The following SH3BP2 variants were observed in gnomAD, a reference collection of about 807,000 sequenced individuals.
SH3BP2 encodes SH3 domain binding protein 2, also known as SH3 domain-binding protein 2.
Under a neutral mutation model 56.2 loss-of-function variants are expected in SH3BP2, and 38 were observed. The ratio of observed to expected loss-of-function variants is 0.68; its 90% CI spans 0.52 to 0.89. The LOEUF (loss-of-function observed/expected upper bound fraction) is 0.89. Ranked by LOEUF, SH3BP2 falls within the 40% of genes least tolerant of loss-of-function variation. The pLI, the probability that SH3BP2 is intolerant of heterozygous loss-of-function variation, is 0.00. For missense variants in SH3BP2, 748 were observed against 762.6 expected (o/e 0.98, Z 0.23); for synonymous variants, 346 against 316.7 (o/e 1.09, Z -0.98).
chr4:2,813,966 A>G (rs1440305462), intron 1 of SH3BP2, among the ~76,000 whole-genome samples: 6 of 152,180 alleles, frequency 3.9e-5, no homozygotes, highest in Non-Finnish European at 7.4e-5. Context: ...CCCAGCCCCA[A>G]CTTGCCCTGT....
In SH3BP2 at chr4:2,834,567, C is replaced by G. The variant is rs1725166339; in HGVS notation, c.*733C>G. ...AGTGCTGCTGCAGAGCTAGAAGGCC[C>G]TGCAGCTACAGCTGCTTCATTCCCT... On this transcript the variant is annotated 3_prime_UTR_variant, in exon 13 of 13. Coordinates refer to ENST00000503393, the MANE Select transcript of SH3BP2 (RefSeq NM_001122681.2). 6.6e-6 allele frequency: 1 copy of G among 152,402 alleles called. No individual in the cohort carries two copies. Among genetic ancestry groups the G allele is most frequent in the African/African-American group, 2.4e-5 (1 of 41,476 alleles). The allele number at this position is 152,402 out of a possible 1,614,324, so 9.4% of individuals were successfully genotyped here.
chr4:2,833,350 G>T lies in SH3BP2; in HGVS notation c.1548+301G>T, dbSNP rs562251725. On this transcript the variant is annotated intron_variant, in intron 12 of 12. Transcript: ENST00000503393. ...ACAGGGGTCTCACTGTCTTTCTCAG[G>T]CTGGTTTCAAATTCTGGGGCTCAAG... 1.4e-5 allele frequency: 8 copies of T among 573,314 alleles called. No individual in the cohort carries two copies. The East Asian group carries it at 2.1e-4, about 15-fold the overall frequency. 35.5% of individuals were successfully genotyped at this position (573,314 alleles called of 1,614,324 possible). A position where few individuals can be genotyped will look rare whatever the true frequency, so the allele number is the denominator to read the frequency against.
intron 1 of SH3BP2, among the ~76,000 whole-genome samples, chr4:2,800,549 G>GCC (rs34241051): frequency 0.051 from 7,480 of 148,102 alleles, 258 homozygotes; most frequent in Non-Finnish European, 0.077. Flanking sequence ...TCCTGTGACC[G>GCC]CCCCCCCCCC....
chr4:2,802,035 G>A (rs1370323084), intron 1 of SH3BP2, among the ~76,000 whole-genome samples: 2 of 152,176 alleles, frequency 1.3e-5, no homozygotes, highest in African/African-American at 2.4e-5. Context: ...TTGAAACTGG[G>A]AGGCAGAGGT....
At position 2,829,565 on chromosome 4, in the gene SH3BP2, T is replaced by G; in HGVS notation, c.659T>G (p.Met220Arg). 1 of 1,613,146 alleles carries G rather than the reference T, an allele frequency of 6.2e-7. No homozygotes were observed. The highest frequency in any genetic ancestry group is 8.5e-7 in the Non-Finnish European group (1 of 1,179,828). ...CCCAGGAAGCCAGCCTTCTCTGACA[T>G]GCCCCGGGCCCACTCCTTTACCTCC... The part of the protein sequence containing the change: ...PTPRKPAFSD[M>R]PRAHSFTSKG... Residue 220 changes from methionine (M) to arginine (R), a missense_variant, in exon 8 of 13, where the codon ATG (methionine) becomes AGG (arginine). Met to Arg is a moderately conservative substitution (Grantham distance 91). This residue lies in a region of SH3BP2 where 635 missense variants were observed against 615.0 expected (regional missense o/e 1.03). Coordinates refer to ENST00000503393, the MANE Select transcript of SH3BP2 (RefSeq NM_001122681.2). This position sits in a 1 kb window ranked among gnomAD's most constrained non-coding sequence, Gnocchi z 4.9.
rs115198387 is a variant in SH3BP2, at chr4:2,794,466, A to T, written c.-5+1328A>T. On this transcript the variant is annotated intron_variant, in intron 1 of 12. Coordinates refer to ENST00000503393, the MANE Select transcript of SH3BP2 (RefSeq NM_001122681.2). ...CTCCAGGCACTCCACTCCTGGCAGG[A>T]CAGGAGGCCTGGGACGAGGGCTGCA... Among the ~76,000 whole-genome samples the T allele has an allele frequency of 9.9e-3, 1,501 of 152,302 alleles. 31 individuals carry two copies. The highest frequency in any genetic ancestry group is 0.035 in the African/African-American group (1,438 of 41,564).
intron 1 of SH3BP2, chr4:2,799,365 T>G (rs1205845691): frequency 4.3e-6 from 4 of 923,926 alleles, no homozygotes; most frequent in Non-Finnish European, 5.2e-6. Context: ...CTCTGAGCCC[T>G]GAGCCATCCT....
intron 1 of SH3BP2, chr4:2,796,311 G>A: frequency 1.6e-6 from 1 of 635,350 alleles, no homozygotes; most frequent in Non-Finnish European, 2.0e-6. Context: ...AGGAGTTCGA[G>A]GTGGTGCAGG....
intron 1 of SH3BP2, among the ~76,000 whole-genome samples, chr4:2,820,374 T>A (rs1724233780): frequency 2.0e-5 from 3 of 152,154 alleles, no homozygotes; most frequent in Non-Finnish European, 4.4e-5. Context: ...GCGCTCAGGA[T>A]CCTGGGGTTG....
chr4:2,829,679 C>G lies in SH3BP2; in HGVS notation c.773C>G (p.Pro258Arg), dbSNP rs1724866313. The change falls in exon 8 of 13, where the codon CCA becomes CGA. Residue 258 changes from proline to arginine, a missense_variant. By Grantham distance (103) the Pro-to-Arg change is moderately radical (BLOSUM62 -2). Around this residue, in one of 3 missense-constraint regions of SH3BP2, gnomAD observed 635 missense variants for 615.0 expected, o/e 1.03. Coordinates refer to ENST00000503393, the MANE Select transcript of SH3BP2 (RefSeq NM_001122681.2). This position sits in a 1 kb window ranked among gnomAD's most constrained non-coding sequence, Gnocchi z 4.9. Reference sequence around the variant, plus strand: ...GCTGCTGAGGACTCCAAGAGGGACCCACTGTGCCCGAGGCGGGCTGAGCCT... The same window carrying G: ...GCTGCTGAGGACTCCAAGAGGGACCGACTGTGCCCGAGGCGGGCTGAGCCT... ...GLAAEDSKRD[P>R]LCPRRAEPCP... is the part of the protein sequence containing the mutation. 1.2e-6 allele frequency: 2 copies of G among 1,613,112 alleles called. No homozygotes were observed. The highest frequency in any genetic ancestry group is 1.7e-5 in the Admixed American group (1 of 59,998).
chr4:2,805,986 C>A (rs775707087), intron 1 of SH3BP2, among the ~76,000 whole-genome samples: 5 of 152,184 alleles, frequency 3.3e-5, no homozygotes, highest in Admixed American at 6.5e-5. Context: ...AAAGCACGGC[C>A]GGACGCTGAG....
At chr4:2,828,899 T>C (rs1390609998) in intron 7 of SH3BP2, among the ~76,000 whole-genome samples, 2 of 152,202 alleles carry the variant, frequency 1.3e-5, no homozygotes, top group East Asian at 1.9e-4. Context: ...CCTCAGCTCC[T>C]GTGCTGGCCC....
In SH3BP2 at chr4:2,829,660, G is replaced by C. The variant is rs1308552287; in HGVS notation, c.754G>C (p.Glu252Gln). Residue 252 changes from glutamate to glutamine, a missense_variant, in exon 8 of 13, where the codon GAG (glutamate) becomes CAG (glutamine). Coordinates refer to ENST00000503393, the MANE Select transcript of SH3BP2 (RefSeq NM_001122681.2). This position sits in a 1 kb window ranked among gnomAD's most constrained non-coding sequence, Gnocchi z 4.9. ...HGLPDVGLAAEDSKRDPLCPR... is the reference protein window; with the variant it reads ...HGLPDVGLAAQDSKRDPLCPR... ...CCTCCCAGATGTTGGCCTGGCTGCT[G>C]AGGACTCCAAGAGGGACCCACTGTG... 2 of 1,612,848 alleles carry C rather than the reference G, an allele frequency of 1.2e-6. No homozygotes were observed. The highest frequency in any genetic ancestry group is 2.7e-5 in the African/African-American group (2 of 74,788).
At chr4:2,804,961 C>T (rs541166415) in intron 1 of SH3BP2, among the ~76,000 whole-genome samples, 263 of 152,346 alleles carry the variant, frequency 1.7e-3, no homozygotes, top group Non-Finnish European at 2.8e-3. Flanking sequence ...ACAGAGCTGG[C>T]GCACTCAGAA....
At chr4:2,801,143 C>T (rs1354333731) in intron 1 of SH3BP2, among the ~76,000 whole-genome samples, 2 of 152,184 alleles carry the variant, frequency 1.3e-5, no homozygotes, top group Non-Finnish European at 2.9e-5. Flanking sequence ...TGCAGGGGTG[C>T]AGAGAGGCTG....
At position 2,820,485 on chromosome 4, in the gene SH3BP2, T is replaced by G; in HGVS notation, c.-4-129T>G. 3 of 1,215,608 alleles carry G rather than the reference T, an allele frequency of 2.5e-6. 1 individual carries two copies. In the South Asian group the frequency reaches 3.9e-5, roughly 16 times the overall value. 75.3% of individuals were successfully genotyped at this position (1,215,608 alleles called of 1,614,324 possible). On this transcript the variant is annotated intron_variant, in intron 1 of 12. Coordinates refer to ENST00000503393, the MANE Select transcript of SH3BP2 (RefSeq NM_001122681.2). ...AGCCCAAGGCCCTCAGAAAAGGGGT[T>G]TCCTTGCCTGTCATGGCCCTACCCT... is the stretch of plus-strand genomic sequence containing the variant.
intron 1 of SH3BP2, chr4:2,809,883 G>T: frequency 2.2e-6 from 2 of 925,702 alleles, no homozygotes; most frequent in Non-Finnish European, 2.6e-6. Context: ...GCAGTTTGAG[G>T]CACCAGCTCA....
rs1723830196 is a variant in SH3BP2, at chr4:2,813,010, C to T, written c.-4-7604C>T. ...GACTGCCGGGCTGGGGCTGTGCTCG[C>T]AGAGCCCAGGCTGGGCCACCCTGCC... On this transcript the variant is annotated intron_variant, in intron 1 of 12. Transcript: ENST00000503393. Among the ~76,000 whole-genome samples the T allele has an allele frequency of 2.0e-5, 3 of 152,294 alleles. No homozygotes were observed. The South Asian group carries it at 6.2e-4, about 32-fold the overall frequency.
chr4:2,822,269 C>T lies in SH3BP2; in HGVS notation c.137-666C>T, dbSNP rs111284823. On this transcript the variant is annotated intron_variant, in intron 2 of 12. Transcript: ENST00000503393. Reference sequence around the variant, plus strand: ...CTCCTGGGCTCAAATGATCCTCCCACCTCAGCCTCCCAAGTAGCTGGAACT... The same window carrying T: ...CTCCTGGGCTCAAATGATCCTCCCATCTCAGCCTCCCAAGTAGCTGGAACT... Among the ~76,000 whole-genome samples the T allele has an allele frequency of 8.5e-3, 1,300 of 152,336 alleles. 6 individuals carry two copies. The highest frequency in any genetic ancestry group is 0.022 in the South Asian group (106 of 4,830).
Sources: gnomAD v4.1 joint callset for allele counts (sites outside exome capture counted in the v4.1 genomes callset) on GRCh38, gnomAD v4.1.1 for gene constraint, gnomAD v4.1.1 regional missense constraint, Gnocchi (gnomAD v3.1) non-coding constraint, MANE v1.5 for transcripts, NCBI Gene and HGNC (gene_info 2026-07-23, HGNC 2026-07-21) for gene names.